The following ROR2 variants were observed in gnomAD, a reference collection of about 807,000 sequenced individuals.
ROR2 encodes the protein ROR family WNT receptor 2, also known as tyrosine-protein kinase transmembrane receptor ROR2.
Under a neutral mutation model 74.9 loss-of-function variants are expected in ROR2, and 33 were observed. The ratio of observed to expected loss-of-function variants is 0.44; its 90% CI spans 0.33 to 0.59. The LOEUF (loss-of-function observed/expected upper bound fraction) is 0.59. Ranked by LOEUF, ROR2 falls within the 20% of genes least tolerant of loss-of-function variation. ROR2 has a pLI of 0.02. For synonymous variants in ROR2, 586 were observed against 558.7 expected (o/e 1.05, Z -0.69); for missense variants, 1,216 against 1,313.8 (o/e 0.93, Z 1.15).
chr9:91,862,854 C>A (rs952313202), intron 1 of ROR2, among the ~76,000 whole-genome samples: 1 of 152,176 alleles, frequency 6.6e-6, no homozygotes, highest in Non-Finnish European at 1.5e-5. Flanking sequence ...GCAGCCCAAG[C>A]TGACTAATCC....
At chr9:91,803,842 T>C (rs544956560) in intron 1 of ROR2, among the ~76,000 whole-genome samples, 1 of 152,354 alleles carries the variant, frequency 6.6e-6, no homozygotes, top group East Asian at 1.9e-4. Context: ...TTTTCAAGAA[T>C]TGCTTTGACT....
In ROR2 at chr9:91,859,976, G is replaced by A. The variant is rs375087440; in HGVS notation, c.98-84158C>T. Among the ~76,000 whole-genome samples the A allele has an allele frequency of 3.4e-4, 52 of 152,276 alleles. 1 individual carries two copies. In the South Asian group the frequency reaches 0.01, roughly 30 times the overall value. On this transcript the variant is annotated intron_variant, in intron 1 of 8. Coordinates refer to ENST00000375708, the MANE Select transcript of ROR2 (RefSeq NM_004560.4). ...GATGCCAGGGTGTGCTCAGTCCTGC[G>A]GGCCTGGACGCTGCTCCGGATGAGT...
chr9:91,857,954 A>G (rs1829348541), intron 1 of ROR2, among the ~76,000 whole-genome samples: 1 of 152,176 alleles, frequency 6.6e-6, no homozygotes, highest in Non-Finnish European at 1.5e-5. Context: ...TTGGAGAAGG[A>G]GGGGGAGAGG....
At chr9:91,896,927 C>T (rs1373952084) in intron 1 of ROR2, among the ~76,000 whole-genome samples, 5 of 152,210 alleles carry the variant, frequency 3.3e-5, no homozygotes, top group East Asian at 1.9e-4. Flanking sequence ...TGGGCTCCAC[C>T]GCCCTCGGCT....
rs1352385141 is a variant in ROR2, at chr9:91,924,745, A to G, written c.97+25122T>C. On this transcript the variant is annotated intron_variant, in intron 1 of 8. Transcript: ENST00000375708. ...GAGGCGGAGCTTGCAGTGAGACAAG[A>G]TCACGCCAGCCTGGGCGACAGAGCG... Among the ~76,000 whole-genome samples the G allele has an allele frequency of 3.3e-5, 5 of 152,032 alleles. No homozygotes were observed. The East Asian group carries it at 7.7e-4, about 24-fold the overall frequency.
At chr9:91,779,219 T>C (rs1405811768) in intron 1 of ROR2, among the ~76,000 whole-genome samples, 1 of 152,076 alleles carries the variant, frequency 6.6e-6, no homozygotes, top group Admixed American at 6.6e-5. Flanking sequence ...CTATGTACTG[T>C]CATCACAACT....
At chr9:91,827,826 T>C (rs1213068182) in intron 1 of ROR2, among the ~76,000 whole-genome samples, 1 of 152,272 alleles carries the variant, frequency 6.6e-6, no homozygotes, top group East Asian at 1.9e-4. Flanking sequence ...AAAATTGTTA[T>C]AACAACCATA....
At chr9:91,796,138 T>C (rs1827157856) in intron 1 of ROR2, among the ~76,000 whole-genome samples, 1 of 152,136 alleles carries the variant, frequency 6.6e-6, no homozygotes, top group Admixed American at 6.5e-5. Flanking sequence ...GGAAGATCTG[T>C]ATGCTTCTAA....
Position 91,867,666 on chromosome 9 carries a change from G to C in ROR2, c.97+82201C>G, listed in dbSNP as rs879901440. Among the ~76,000 whole-genome samples, 1,230 of 146,288 alleles carry C rather than the reference G, an allele frequency of 8.4e-3. 5 individuals are homozygous for C. Among genetic ancestry groups the C allele is most frequent in the Non-Finnish European group, 0.011 (745 of 67,306 alleles). ...GAGACCACCCATGAGCTGTGTGTGT[G>C]TGTGTGTGTGTGTGTGTGTGTGTGT... On this transcript the variant is annotated intron_variant, in intron 1 of 8. Transcript: ENST00000375708.
At chr9:91,933,275 C>T (rs1369743533) in intron 1 of ROR2, among the ~76,000 whole-genome samples, 1 of 152,290 alleles carries the variant, frequency 6.6e-6, no homozygotes, top group Middle Eastern at 3.4e-3. Flanking sequence ...GAGATTGCGC[C>T]ACTGCACTCC....
At chr9:91,835,709 G>C (rs1485246220) in intron 1 of ROR2, among the ~76,000 whole-genome samples, 1 of 152,210 alleles carries the variant, frequency 6.6e-6, no homozygotes, top group East Asian at 1.9e-4. Flanking sequence ...AGGGGTGGGA[G>C]GGAAAAGCTA....
chr9:91,937,609 G>A (rs1023604249), intron 1 of ROR2, among the ~76,000 whole-genome samples: 2 of 151,918 alleles, frequency 1.3e-5, no homozygotes, highest in African/African-American at 2.4e-5. Context: ...GCAGCAGCCC[G>A]ACTCACTTGT....
chr9:91,779,452 C>A (rs10992096), intron 1 of ROR2, among the ~76,000 whole-genome samples: 19,451 of 150,328 alleles, frequency 0.13, 1,312 homozygotes, highest in South Asian at 0.21. Flanking sequence ...CTCACTGCAA[C>A]CTCTGCCTCC....
intron 1 of ROR2, among the ~76,000 whole-genome samples, chr9:91,882,525 T>C (rs1385264133): frequency 6.6e-6 from 1 of 151,536 alleles, no homozygotes; most frequent in Non-Finnish European, 1.5e-5. Context: ...AAAAAATATA[T>C]ACAACAAGCC....
chr9:91,800,517 G>A (rs1046364476), intron 1 of ROR2, among the ~76,000 whole-genome samples: 5 of 152,044 alleles, frequency 3.3e-5, no homozygotes, highest in African/African-American at 4.8e-5. Flanking sequence ...GAGGACACAC[G>A]TGGCCTCAAG....
At chr9:91,804,120 T>G (rs1001371621) in intron 1 of ROR2, among the ~76,000 whole-genome samples, 1 of 152,162 alleles carries the variant, frequency 6.6e-6, no homozygotes, top group African/African-American at 2.4e-5. Flanking sequence ...CATCATGGTA[T>G]CATCCACCCT....
chr9:91,808,812 T>A (rs992708165), intron 1 of ROR2, among the ~76,000 whole-genome samples: 1 of 151,028 alleles, frequency 6.6e-6, no homozygotes, highest in African/African-American at 2.4e-5. Flanking sequence ...CATATTTTTT[T>A]TTACTAAAAA....
intron 4 of ROR2, among the ~76,000 whole-genome samples, chr9:91,745,426 A>ATTTTTTT (rs72432798): frequency 1.4e-4 from 14 of 99,740 alleles, no homozygotes; most frequent in African/African-American, 1.7e-4. Context: ...TGCCCAGCCT[A>ATTTTTTT]TTTTTTTTTT....
At chr9:91,917,252 A>G (rs1016449081) in intron 1 of ROR2, among the ~76,000 whole-genome samples, 1 of 152,162 alleles carries the variant, frequency 6.6e-6, no homozygotes, top group Non-Finnish European at 1.5e-5. Flanking sequence ...CTGGGTCTGT[A>G]GGTTTCTTAG....
Sources: gnomAD v4.1 joint callset for allele counts (sites outside exome capture counted in the v4.1 genomes callset) on GRCh38, gnomAD v4.1.1 for gene constraint, MANE v1.5 for transcripts, NCBI Gene and HGNC (gene_info 2026-07-23, HGNC 2026-07-21) for gene names.